Variants in ABR observed in about 807,000 individuals in gnomAD.
ABR encodes active breakpoint cluster region-related protein.
A neutral mutation model predicts 107.2 loss-of-function variants in ABR; 35 were observed. The observed-to-expected ratio is 0.33, with a 90% CI of 0.25 to 0.43. The LOEUF (loss-of-function observed/expected upper bound fraction) is 0.43, where lower values mean the gene tolerates loss of function less well. ABR is among the 20% of genes least tolerant of loss of function. ABR has a pLI of 1.00. For missense variants in ABR, 815 were observed against 1,115.2 expected, an observed-to-expected ratio of 0.73 and a Z score of 3.83; for synonymous variants, 498 against 462.0, an observed-to-expected ratio of 1.08 and a Z score of -1.00.
chr17:1,013,457 G>T (rs1567570907), intron 16 of ABR, among the ~76,000 whole-genome samples: 1 of 152,128 alleles, frequency 6.6e-6, no homozygotes, highest in Non-Finnish European at 1.5e-5. Flanking sequence ...ACCCACCGTG[G>T]GGGAGGCAGG....
chr17:1,080,806 G>A (rs2036179055), intron 5 of ABR, among the ~76,000 whole-genome samples: 1 of 152,214 alleles, frequency 6.6e-6, no homozygotes, highest in Non-Finnish European at 1.5e-5. Flanking sequence ...CTGTGTCTCT[G>A]GCTGGTGCCT....
chr17:1,191,975 C>G (rs1295024832), upstream of ABR, among the ~76,000 whole-genome samples: 1 of 152,192 alleles, frequency 6.6e-6, no homozygotes, highest in East Asian at 1.9e-4. Context: ...CTGTGTGACT[C>G]TGAAGAACTG....
chr17:1,107,725 G>A (rs930769740), intron 2 of ABR, among the ~76,000 whole-genome samples: 7 of 152,130 alleles, frequency 4.6e-5, no homozygotes, highest in African/African-American at 7.2e-5. Flanking sequence ...CTGAGCCCAC[G>A]GGGAGACGTG....
rs970533268 is a variant in ABR at position 1,157,831 on chromosome 17, G to A, written c.61+21836C>T. ...GCAGACCCACGATGGGGTGCACTCA[G>A]CCCCGTATCATTCATGCTGCAGGTC... On this transcript the variant is annotated intron_variant, in intron 1 of 22. Coordinates refer to ENST00000302538, the MANE Select transcript of ABR (RefSeq NM_021962.5). The surrounding 1 kb of genome is among the most constrained non-coding windows in gnomAD (Gnocchi z 4.7). 6.6e-6 allele frequency among the ~76,000 whole-genome samples: 1 copy of A among 152,222 alleles called. No individual in the cohort carries two copies. The highest frequency in any genetic ancestry group is 2.4e-5 in the African/African-American group (1 of 41,454).
chr17:1,144,144 G>T (rs80015083), intron 1 of ABR, among the ~76,000 whole-genome samples: 5,624 of 152,204 alleles, frequency 0.037, 133 homozygotes, highest in Middle Eastern at 0.075. Flanking sequence ...CCTTGGCAGA[G>T]GGAACTAAAA....
At chr17:1,068,664 G>A (rs561272938) in intron 9 of ABR, among the ~76,000 whole-genome samples, 6 of 152,222 alleles carry the variant, frequency 3.9e-5, no homozygotes, top group South Asian at 2.1e-4. Flanking sequence ...CCACACTCCC[G>A]GGTAGAGAGA....
intron 16 of ABR, among the ~76,000 whole-genome samples, chr17:1,019,894 A>G (rs903858440): frequency 5.1e-4 from 78 of 152,174 alleles, no homozygotes; most frequent in Admixed American, 2.2e-3. Context: ...AGGGAGACAG[A>G]GGGAGCTCGT....
chr17:1,026,718 T>C (rs2072227788), intron 16 of ABR, among the ~76,000 whole-genome samples: 1 of 152,152 alleles, frequency 6.6e-6, no homozygotes, highest in Non-Finnish European at 1.5e-5. Flanking sequence ...TCGAAGGTGC[T>C]GGGGGGCCGT....
rs868227335 is a variant in ABR, at chr17:1,024,776, A to C, written c.1792-11612T>G. ...ACTCCAGCCTGGGCGAGAGAGTGAG[A>C]CTCCCACAAAAAAAAAAAAAAAAAA... On this transcript the variant is annotated intron_variant, in intron 16 of 22. Transcript: ENST00000302538. Among the ~76,000 whole-genome samples the C allele has an allele frequency of 1.3e-3, 82 of 63,580 alleles. 2 individuals are homozygous for C. Among genetic ancestry groups the C allele is most frequent in the African/African-American group, 5.4e-3 (74 of 13,814 alleles). 41.7% of individuals were successfully genotyped at this position (63,580 alleles called of 152,430 possible). A position where few individuals can be genotyped will look rare whatever the true frequency, so the allele number is the denominator to read the frequency against.
intron 1 of ABR, among the ~76,000 whole-genome samples, chr17:1,178,789 T>A (rs916142467): frequency 1.4e-5 from 2 of 146,844 alleles, no homozygotes; most frequent in Admixed American, 1.4e-4. Context: ...TCGGGAAAGG[T>A]GTCTCAGGGA....
At chr17:1,223,451 G>C (rs568968600) in intron 1 of ABR, among the ~76,000 whole-genome samples, 2 of 152,132 alleles carry the variant, frequency 1.3e-5, no homozygotes, top group African/African-American at 4.8e-5. Context: ...AGGCGGTACA[G>C]CTTGGTGTGC....
rs1212648420 is a variant in ABR at position 1,078,958 on chromosome 17, C to CGCACGGACTCCAGCA, written c.700+357_700+371dup. On this transcript the variant is annotated intron_variant, in intron 6 of 22. Transcript: ENST00000302538. This position sits in a 1 kb window ranked among gnomAD's most constrained non-coding sequence, Gnocchi z 7.5. ...CACTCAGCCACCTTGCTGATGCTGC[C>CGCACGGACTCCAGCA]GCACGGACTCCAGCATCGGGCAGCC... The CGCACGGACTCCAGCA allele has an allele frequency of 6.6e-7, 1 of 1,517,772 alleles. No individual in the cohort carries two copies. Among genetic ancestry groups the CGCACGGACTCCAGCA allele is most frequent in the Non-Finnish European group, 8.8e-7 (1 of 1,136,140 alleles). 94.0% of individuals were successfully genotyped at this position (1,517,772 alleles called of 1,614,324 possible).
rs1368071003 is a variant in ABR at position 1,071,769 on chromosome 17, C to T, written c.894+845G>A. ...CAGGTGTCTGCATTCAAGAATGAGG[C>T]ACCCGGAGGCCACTTCCCCGGCGTG... is the stretch of plus-strand genomic sequence containing the variant. On this transcript the variant is annotated intron_variant, in intron 8 of 22. Transcript: ENST00000302538. This position sits in a 1 kb window ranked among gnomAD's most constrained non-coding sequence, Gnocchi z 5.1. Among the ~76,000 whole-genome samples, 1 of 152,264 alleles carries T rather than the reference C, an allele frequency of 6.6e-6. No homozygotes were observed. Among genetic ancestry groups the T allele is most frequent in the Non-Finnish European group, 1.5e-5 (1 of 68,048 alleles).
intron 18 of ABR, chr17:1,012,255 C>T (rs1251152569): frequency 6.0e-6 from 4 of 664,490 alleles, no homozygotes; most frequent in Non-Finnish European, 1.1e-5. Flanking sequence ...AAGAACGTCC[C>T]CCAGATTCAG....
chr17:1,009,167 TC>T (rs2070306813), intron 21 of ABR, among the ~76,000 whole-genome samples: 1 of 59,530 alleles, frequency 1.7e-5, no homozygotes, highest in East Asian at 3.1e-4. Flanking sequence ...CTGCTGTCTG[TC>T]CCCCACTGCT....
intron 2 of ABR, among the ~76,000 whole-genome samples, chr17:1,111,465 G>A (rs1478869894): frequency 1.3e-5 from 2 of 151,832 alleles, no homozygotes; most frequent in African/African-American, 4.8e-5. Flanking sequence ...CCTGACAAAT[G>A]CCCTGAGCCA....
chr17:1,175,035 A>T (rs893864544), intron 1 of ABR, among the ~76,000 whole-genome samples: 23 of 152,250 alleles, frequency 1.5e-4, no homozygotes, highest in Middle Eastern at 3.4e-3. Flanking sequence ...AAATAAAAAT[A>T]AAAAAATAAA....
chr17:1,019,873 TCA>T, intron 16 of ABR, among the ~76,000 whole-genome samples: 1 of 152,232 alleles, frequency 6.6e-6, no homozygotes, highest in East Asian at 1.9e-4. Context: ...GGATGTCTGA[TCA>T]CCTGAAGCAG....
chr17:1,217,187 CTT>C (rs1266076197), intron 1 of ABR, among the ~76,000 whole-genome samples: 7 of 152,210 alleles, frequency 4.6e-5, no homozygotes, highest in African/African-American at 1.7e-4. Context: ...CAAAACGAGG[CTT>C]TCTCCGTAAT....
Sources: allele counts gnomAD v4.1 joint callset (sites outside exome capture counted in the v4.1 genomes callset), GRCh38; gene constraint gnomAD v4.1.1; non-coding constraint Gnocchi (gnomAD v3.1); transcripts MANE v1.5; gene names NCBI Gene and HGNC (gene_info 2026-07-23, HGNC 2026-07-21).